Variants in ZNF565 observed in about 807,000 individuals in gnomAD.
ZNF565 encodes the protein zinc finger protein 565.
A neutral mutation model predicts 39.4 loss-of-function variants in ZNF565; 27 were observed. That is an observed-to-expected ratio of 0.69 (90% CI 0.51 to 0.95). ZNF565 has a LOEUF of 0.95. Among genes scored for constraint, ZNF565 ranks in the 40% least tolerant of loss-of-function variants. The probability of loss-of-function intolerance (pLI) is 0.00; values close to 1 mark genes in which losing one functional copy is unlikely to be tolerated. For synonymous variants in ZNF565, 185 were observed against 216.6 expected (o/e 0.85, Z 1.28); for missense variants, 524 against 621.1 (o/e 0.84, Z 1.66).
intron 1 of ZNF565, among the ~76,000 whole-genome samples, chr19:36,212,082 G>A (rs1173587844): frequency 6.6e-6 from 1 of 152,204 alleles, no homozygotes; most frequent in Non-Finnish European, 1.5e-5. Flanking sequence ...ACCACTCATA[G>A]TGTAACGAAT....
upstream of ZNF565, among the ~76,000 whole-genome samples, chr19:36,217,675 A>C (rs1014614025): frequency 1.4e-4 from 21 of 152,028 alleles, no homozygotes; most frequent in Non-Finnish European, 2.6e-4. Context: ...ACCTGAGGTC[A>C]GGAGTTTGAG....
At chr19:36,206,132 T>G (rs1372536279) in intron 1 of ZNF565, among the ~76,000 whole-genome samples, 1 of 152,074 alleles carries the variant, frequency 6.6e-6, no homozygotes, top group Non-Finnish European at 1.5e-5. Context: ...CTGCTAATGT[T>G]TGTAACTTTT....
At chr19:36,237,844 G>A (rs971048760) in intron 1 of ZNF565, 2 of 167,116 alleles carry the variant, frequency 1.2e-5, no homozygotes, top group African/African-American at 4.8e-5. Context: ...TTAAGTGGAG[G>A]TAGTTTGTTC....
intron 2 of ZNF565, among the ~76,000 whole-genome samples, chr19:36,197,188 C>T (rs922696515): frequency 6.6e-6 from 1 of 152,176 alleles, no homozygotes; most frequent in Non-Finnish European, 1.5e-5. Flanking sequence ...AAGATAATAA[C>T]TTGATCCCCG....
Position 36,182,912 on chromosome 19 carries a change from G to A in ZNF565, c.1054C>T (p.Arg352Ter), listed in dbSNP as rs1975137722. The A allele has an allele frequency of 5.0e-6, 8 of 1,613,802 alleles. No homozygotes were observed. Among genetic ancestry groups the A allele is most frequent in the South Asian group, 3.3e-5 (3 of 91,070 alleles). The change falls in exon 5 of 5, where the codon CGA becomes TGA. Residue 352 changes from arginine to a stop codon, truncating the protein, a stop_gained. Coordinates refer to ENST00000304116, the MANE Select transcript of ZNF565 (RefSeq NM_152477.5). LOFTEE classifies it high-confidence loss of function. Reference protein sequence around the residue: ...KGFIHSSEVTRHQRIHSGEKP... With the variant: ...KGFIHSSEVT ...TCCCCAGAATGAATTCTTTGATGTC[G>A]AGTAACTTCTGAGCTGTGAATAAAG... is the stretch of plus-strand genomic sequence containing the variant.
chr19:36,220,026 C>T (rs1011997774), intron 1 of ZNF565, among the ~76,000 whole-genome samples: 4 of 152,044 alleles, frequency 2.6e-5, no homozygotes, highest in African/African-American at 9.7e-5. Context: ...CAGTGGATAC[C>T]CCTTCAGGTC....
intron 1 of ZNF565, chr19:36,213,067 G>GT (rs2145369651): frequency 1.5e-5 from 2 of 129,908 alleles, no homozygotes; most frequent in Non-Finnish European, 3.5e-5. Context: ...CCTAAATCCA[G>GT]TGTCACTCAG....
intron 1 of ZNF565, among the ~76,000 whole-genome samples, chr19:36,224,477 G>A (rs1357088366): frequency 6.6e-6 from 1 of 152,210 alleles, no homozygotes; most frequent in African/African-American, 2.4e-5. Context: ...GTTTCTGGGT[G>A]TGAGCAGAAA....
At chr19:36,216,705 T>A (rs1464067339), upstream of ZNF565, among the ~76,000 whole-genome samples, 1 of 152,074 alleles carries the variant, frequency 6.6e-6, no homozygotes, top group Non-Finnish European at 1.5e-5. Flanking sequence ...GGCTTTTCTC[T>A]TTTGGAACTA....
chr19:36,209,123 C>T (rs1167901411), intron 1 of ZNF565, among the ~76,000 whole-genome samples: 4 of 152,130 alleles, frequency 2.6e-5, no homozygotes, highest in South Asian at 2.1e-4. Context: ...TAATCATTTA[C>T]GCCTGTAATT....
chr19:36,184,997 A>T (rs910251116), intron 4 of ZNF565, among the ~76,000 whole-genome samples: 1 of 151,944 alleles, frequency 6.6e-6, no homozygotes, highest in Admixed American at 6.6e-5. Flanking sequence ...AGGCGCCTAT[A>T]ATCCCAGCTG....
chr19:36,236,301 C>G (rs2145468475), intron 1 of ZNF565: 1 of 1,002,572 alleles, frequency 1.0e-6, no homozygotes, highest in Non-Finnish European at 1.4e-6. Flanking sequence ...ATCCCTTACT[C>G]TGCATTTGGG....
In ZNF565 at chr19:36,195,173, A is replaced by G; in HGVS notation, c.10-17T>C. ...CACCAGTCCCTGAAACAATAAACCC[A>G]CGCATTAGTGTACATTAAGAAACTT... On this transcript the variant is annotated splice_polypyrimidine_tract_variant and intron_variant, in intron 2 of 4. Transcript: ENST00000304116. 1.2e-6 allele frequency: 2 copies of G among 1,608,600 alleles called. No individual in the cohort carries two copies. Among genetic ancestry groups the G allele is most frequent in the Non-Finnish European group, 1.7e-6 (2 of 1,176,908 alleles).
At chr19:36,199,213 A>C (rs1975869204) in intron 2 of ZNF565, among the ~76,000 whole-genome samples, 1 of 152,220 alleles carries the variant, frequency 6.6e-6, no homozygotes, top group Non-Finnish European at 1.5e-5. Flanking sequence ...CCTGAGTTAC[A>C]TAAATGTGGC....
upstream of ZNF565, among the ~76,000 whole-genome samples, chr19:36,217,055 C>CTTTTTTTTT (rs752632008): frequency 1.5e-3 from 100 of 65,876 alleles, 7 homozygotes; most frequent in South Asian, 4.1e-3. Flanking sequence ...CAGTCCCTGT[C>CTTTTTTTTT]TTTTTTTTTT....
intron 1 of ZNF565, among the ~76,000 whole-genome samples, chr19:36,222,306 A>T (rs762917329): frequency 2.0e-5 from 3 of 152,116 alleles, no homozygotes; most frequent in Non-Finnish European, 4.4e-5. Context: ...ATTTGGATGC[A>T]CCATGGTTGA....
At chr19:36,215,792 G>T (rs1420980740), upstream of ZNF565, among the ~76,000 whole-genome samples, 1 of 152,118 alleles carries the variant, frequency 6.6e-6, no homozygotes, top group African/African-American at 2.4e-5. Context: ...AAACAGCATT[G>T]TACGCTTTGA....
At chr19:36,215,759 G>A (rs1006196657), upstream of ZNF565, among the ~76,000 whole-genome samples, 3 of 152,040 alleles carry the variant, frequency 2.0e-5, no homozygotes, top group African/African-American at 4.8e-5. Flanking sequence ...CTTAAATAGG[G>A]CTGTTAAGCA....
At chr19:36,228,298 T>A (rs1181438042) in intron 1 of ZNF565, among the ~76,000 whole-genome samples, 12 of 152,168 alleles carry the variant, frequency 7.9e-5, no homozygotes. Context: ...TGTGCTTTAG[T>A]TCTGATGGGA....
Sources: allele counts gnomAD v4.1 joint callset (sites outside exome capture counted in the v4.1 genomes callset), GRCh38; gene constraint gnomAD v4.1.1; transcripts MANE v1.5; gene names NCBI Gene and HGNC (gene_info 2026-07-23, HGNC 2026-07-21).